Variants in QPCTL observed in about 807,000 individuals in gnomAD.
QPCTL encodes glutaminyl-peptide cyclotransferase like, also known as glutaminyl-peptide cyclotransferase-like protein.
In QPCTL, 31 loss-of-function variants were observed where a neutral mutation model predicts 34.6. The observed-to-expected ratio is 0.90, with a 90% CI of 0.67 to 1.21. QPCTL has a LOEUF of 1.21. Ranked by LOEUF, QPCTL falls within the 50% of genes most tolerant of loss-of-function variation. The pLI is 0.00. For synonymous variants in QPCTL, 223 were observed against 226.9 expected (o/e 0.98, Z 0.15); for missense variants, 474 against 507.8 (o/e 0.93, Z 0.64).
At chr19:45,700,830 G>A (rs1336229361) in intron 5 of QPCTL, among the ~76,000 whole-genome samples, 1 of 151,880 alleles carries the variant, frequency 6.6e-6, no homozygotes, top group Non-Finnish European at 1.5e-5. Context: ...GTGGTGGTGG[G>A]CGCCTGTACT....
At chr19:45,694,105 C>T (rs948220899) in intron 2 of QPCTL, among the ~76,000 whole-genome samples, 5 of 152,050 alleles carry the variant, frequency 3.3e-5, no homozygotes, top group Non-Finnish European at 5.9e-5. Context: ...AAAGGCCAGG[C>T]GCAGTGGTTC....
intron 2 of QPCTL, among the ~76,000 whole-genome samples, chr19:45,694,515 G>A (rs1183143742): frequency 2.6e-5 from 4 of 151,308 alleles, no homozygotes; most frequent in African/African-American, 9.7e-5. Context: ...CTGTCGCCTG[G>A]GTTGGAGTGC....
rs770453609 is a variant in QPCTL, at chr19:45,692,741, TG to T, written c.43del (p.Glu15AsnfsTer58). The part of the protein sequence containing the change: ...SGGRGRPRLR[L>X]GERGLMEPLL... ...GGCCGCGGGCGACCCCGCCTGCGGCTGGGGGAACGTGGCCTCATGGAGCCAC... is the reference window on the plus strand; with the variant it reads ...GGCCGCGGGCGACCCCGCCTGCGGCTGGGGAACGTGGCCTCATGGAGCCAC... On this transcript the variant is annotated frameshift_variant, in exon 1 of 7. Coordinates refer to ENST00000012049, the MANE Select transcript of QPCTL (RefSeq NM_017659.4). LOFTEE classifies it high-confidence loss of function. 6 of 1,569,592 alleles carry T rather than the reference TG, an allele frequency of 3.8e-6. No individual in the cohort carries two copies. The highest frequency in any genetic ancestry group is 1.9e-5 in the Admixed American group (1 of 53,632).
intron 3 of QPCTL, among the ~76,000 whole-genome samples, chr19:45,697,355 G>A (rs1189069600): frequency 6.6e-6 from 1 of 151,580 alleles, no homozygotes; most frequent in African/African-American, 2.4e-5. Context: ...GAACTCGGGA[G>A]GCAGAGTTTG....
At position 45,702,757 on chromosome 19, in the gene QPCTL, CTG is replaced by C. The variant is rs1967833826; in HGVS notation, c.1004-145_1004-144del. ...CCAGCCTGGGCGACAGAGTGAGACTCTGTCTCAAAAAAAAAAAAAAAGTGCCA... is the reference window on the plus strand; with the variant it reads ...CCAGCCTGGGCGACAGAGTGAGACTCTCTCAAAAAAAAAAAAAAAGTGCCA... On this transcript the variant is annotated intron_variant, in intron 6 of 6. Coordinates refer to ENST00000012049, the MANE Select transcript of QPCTL (RefSeq NM_017659.4). 6.5e-6 allele frequency: 6 copies of C among 920,904 alleles called. No homozygotes were observed. The Admixed American group carries it at 1.4e-4, about 21-fold the overall frequency. 57.0% of individuals were successfully genotyped at this position (920,904 alleles called of 1,614,324 possible).
At chr19:45,699,370 A>G (rs1967768455) in intron 5 of QPCTL, among the ~76,000 whole-genome samples, 1 of 151,566 alleles carries the variant, frequency 6.6e-6, no homozygotes, top group South Asian at 2.1e-4. Flanking sequence ...GTGCAGTGGC[A>G]TGCACCTGTC....
Position 45,703,400 on chromosome 19 carries a change from GGCTCACTGCAAACTCC to G in QPCTL, c.*354_*369del, listed in dbSNP as rs1209525157. On this transcript the variant is annotated 3_prime_UTR_variant, in exon 7 of 7. Transcript: ENST00000012049. ...GGCTGGAGTGCAGTGGTGCGATCTC[GGCTCACTGCAAACTCC>G]GCCTCCTGGGTTCACGCCATTCTCC... 5.9e-6 allele frequency: 1 copy of G among 170,322 alleles called. No homozygotes were observed. The highest frequency in any genetic ancestry group is 2.4e-5 in the African/African-American group (1 of 41,854). The allele number at this position is 170,322 out of a possible 1,614,324, so 10.6% of individuals were successfully genotyped here.
At chr19:45,695,370 C>T in intron 2 of QPCTL, 67 bp from the exon 3 acceptor site, 1 of 1,454,764 alleles carries the variant, frequency 6.9e-7, no homozygotes, top group Non-Finnish European at 9.5e-7. Flanking sequence ...TGGCTCAGGT[C>T]ACGTGGCCCT....
chr19:45,693,424 C>T lies in QPCTL; in HGVS notation c.219C>T (p.Ile73=), dbSNP rs139470804. The change falls in exon 2 of 7, where the codon ATC becomes ATT. Residue 73 remains isoleucine (I), a synonymous_variant. Transcript: ENST00000012049. ...ACCTCCTTCCCAAGGTCCCATTGATCGGAAGCCTCCCCGAAGCCCGGCTGC... is the reference window on the plus strand; with the variant it reads ...ACCTCCTTCCCAAGGTCCCATTGATTGGAAGCCTCCCCGAAGCCCGGCTGC... ...PLGRELRVPL[I]GSLPEARLRR... 5.7e-4 allele frequency: 912 copies of T among 1,611,272 alleles called. 8 individuals carry two copies. The African/African-American group carries it at 0.011, about 19-fold the overall frequency.
intron 2 of QPCTL, 37 bp from the exon 3 acceptor site, chr19:45,695,400 G>A: frequency 7.1e-7 from 1 of 1,399,526 alleles, no homozygotes; most frequent in South Asian, 1.2e-5. Context: ...CTCCTCCCCA[G>A]TCCCCGTCCA....
Position 45,701,895 on chromosome 19 carries a change from C to A in QPCTL, c.984C>A (p.His328Gln). The change falls in exon 6 of 7, where the codon CAC (histidine) becomes CAA (glutamine). Residue 328 changes from histidine to glutamine, a missense_variant. Physicochemically the swap from His to Gln is conservative, Grantham distance 24 (BLOSUM62 0). Coordinates refer to ENST00000012049, the MANE Select transcript of QPCTL (RefSeq NM_017659.4). ...GEPFGSVEDDHIPFLRRGVPV... is the reference protein window; with the variant it reads ...GEPFGSVEDDQIPFLRRGVPV... ...CCTTTGGCTCTGTGGAAGACGACCA[C>A]ATCCCCTTCCTCCGCAGAGGTACCA... 6.2e-7 allele frequency: 1 copy of A among 1,612,718 alleles called. No individual in the cohort carries two copies. The highest frequency in any genetic ancestry group is 1.1e-5 in the South Asian group (1 of 91,054).
chr19:45,703,261 G>A lies in QPCTL; in HGVS notation c.*212G>A. ...GGGAAGAGACCACTGTGGGATGACA[G>A]CCAGAGGAATAAGAACTTGCTCCCT... On this transcript the variant is annotated 3_prime_UTR_variant, in exon 7 of 7. Coordinates refer to ENST00000012049, the MANE Select transcript of QPCTL (RefSeq NM_017659.4). 1.6e-6 allele frequency: 1 copy of A among 619,444 alleles called. No individual in the cohort carries two copies. The highest frequency in any genetic ancestry group is 2.8e-6 in the Non-Finnish European group (1 of 363,230). 38.4% of individuals were successfully genotyped at this position (619,444 alleles called of 1,614,324 possible). A position where few individuals can be genotyped will look rare whatever the true frequency, so the allele number is the denominator to read the frequency against.
Position 45,695,655 on chromosome 19 carries a change from C to G in QPCTL, c.570C>G (p.Pro190=). ...PFVGATDSAV[P]CALLLELAQA... Reference sequence around the variant, plus strand: ...TAGGGGCCACGGATTCGGCTGTGCCCTGTGCCCTGCTGCTGGAGCTGGCCC... The same window carrying G: ...TAGGGGCCACGGATTCGGCTGTGCCGTGTGCCCTGCTGCTGGAGCTGGCCC... The change falls in exon 3 of 7, where the codon CCC becomes CCG. Residue 190 remains proline (P), a synonymous_variant. Transcript: ENST00000012049. 6.2e-7 allele frequency: 1 copy of G among 1,613,856 alleles called. No homozygotes were observed.
chr19:45,701,889 C>T lies in QPCTL; in HGVS notation c.978C>T (p.Asp326=), dbSNP rs764297339. The part of the protein sequence containing the change: ...QPGEPFGSVE[D]DHIPFLRRGV... ...GGGAGCCCTTTGGCTCTGTGGAAGA[C>T]GACCACATCCCCTTCCTCCGCAGAG... Residue 326 remains aspartate (D), a synonymous_variant, in exon 6 of 7, where the codon GAC becomes GAT. Transcript: ENST00000012049. 21 of 1,613,174 alleles carry T rather than the reference C, an allele frequency of 1.3e-5. No homozygotes were observed. The highest frequency in any genetic ancestry group is 2.7e-5 in the African/African-American group (2 of 75,014).
Position 45,703,148 on chromosome 19 carries a change from T to C in QPCTL, c.*99T>C, listed in dbSNP as rs2146134566. 1.4e-6 allele frequency: 2 copies of C among 1,442,524 alleles called. No homozygotes were observed. Among genetic ancestry groups the C allele is most frequent in the African/African-American group, 1.4e-5 (1 of 70,960 alleles). 89.4% of individuals were successfully genotyped at this position (1,442,524 alleles called of 1,614,324 possible). A position where few individuals can be genotyped will look rare whatever the true frequency, so the allele number is the denominator to read the frequency against. On this transcript the variant is annotated 3_prime_UTR_variant, in exon 7 of 7. Transcript: ENST00000012049. ...GATCTGCCTAGGGTGTGCTGGTTTG[T>C]CCTTTTCATACCTTTGTCTCCTAAT...
At chr19:45,694,760 C>T (rs537203584) in intron 2 of QPCTL, among the ~76,000 whole-genome samples, 33 of 152,094 alleles carry the variant, frequency 2.2e-4, no homozygotes, top group Non-Finnish European at 4.1e-4. Context: ...TGAGCCACCG[C>T]GCCCGGCCTG....
At chr19:45,699,016 A>G in intron 5 of QPCTL, 116 bp downstream of exon 5, 1 of 749,458 alleles carries the variant, frequency 1.3e-6, no homozygotes, top group Non-Finnish European at 2.1e-6. Context: ...TCTGGGCCAC[A>G]TAGGGAGACC....
At chr19:45,702,746 AGAGT>A (rs1967833674) in intron 6 of QPCTL, among the ~76,000 whole-genome samples, 154 bp from the exon 7 acceptor site, 1 of 151,790 alleles carries the variant, frequency 6.6e-6, no homozygotes, top group Admixed American at 6.6e-5. Context: ...CCTGGGCGAC[AGAGT>A]GAGACTCTGT....
chr19:45,692,786 G>C lies in QPCTL; in HGVS notation c.83G>C (p.Arg28Pro). Residue 28 changes from arginine (R) to proline (P), a missense_variant, in exon 1 of 7, where the codon CGC becomes CCC. Coordinates refer to ENST00000012049, the MANE Select transcript of QPCTL (RefSeq NM_017659.4). ...GAGCCACTCTTGCCGCCGAAGCGCC[G>C]CCTGCTACCGCGGGTTCGGCTCTTG... ...LMEPLLPPKR[R>P]LLPRVRLLPL... 1 of 1,585,360 alleles carries C rather than the reference G, an allele frequency of 6.3e-7. No homozygotes were observed. Among genetic ancestry groups the C allele is most frequent in the Non-Finnish European group, 8.6e-7 (1 of 1,165,672 alleles).
Sources: allele counts gnomAD v4.1 joint callset (sites outside exome capture counted in the v4.1 genomes callset), GRCh38; gene constraint gnomAD v4.1.1; transcripts MANE v1.5; gene names NCBI Gene and HGNC (gene_info 2026-07-23, HGNC 2026-07-21).